PTGFRN: variants seen among roughly 807,000 people sequenced by gnomAD.
PTGFRN encodes the protein prostaglandin F2 receptor negative regulator.
PTGFRN carries 35 observed loss-of-function variants against 83.2 expected under a neutral mutation model. That is an observed-to-expected ratio of 0.42 (90% CI 0.32 to 0.56). The LOEUF (loss-of-function observed/expected upper bound fraction) is 0.56, where lower values mean the gene tolerates loss of function less well. PTGFRN is among the 20% of genes least tolerant of loss of function. The pLI, the probability that PTGFRN is intolerant of heterozygous loss-of-function variation, is 0.11. For missense variants in PTGFRN, 1,051 were observed against 1,179.5 expected, an observed-to-expected ratio of 0.89 and a Z score of 1.60; for synonymous variants, 519 against 498.6, an observed-to-expected ratio of 1.04 and a Z score of -0.55.
chr1:116,964,122 G>A lies in PTGFRN; in HGVS notation c.1639+2454G>A, dbSNP rs531259797. 3.9e-5 allele frequency among the ~76,000 whole-genome samples: 6 copies of A among 151,938 alleles called. 1 individual carries two copies. The South Asian group carries it at 1.2e-3, about 32-fold the overall frequency. The stretch of plus-strand genomic sequence containing the variant: ...TAGTCTTGATCTTCCTTCTTCATCC[G>A]TCTTTCTGTTTCCCACACCCATTTG... On this transcript the variant is annotated intron_variant, in intron 5 of 8. Transcript: ENST00000393203.
chr1:116,967,270 C>G lies in PTGFRN; in HGVS notation c.1999C>G (p.Leu667Val), dbSNP rs1434881562. ...AGCCTGGTCTCCTGTCAGGGGCAGC[C>G]TTTGGCGAGAAGCAGCAACCAGTCT... The part of the protein sequence containing the change: ...VTAWSPVRGS[L>V]WREAATSLSN... The change falls in exon 6 of 9, where the codon CTT becomes GTT. Residue 667 changes from leucine to valine, a missense_variant. Leu to Val is a conservative substitution (Grantham distance 32). Around this residue, in one of 3 missense-constraint regions of PTGFRN, gnomAD observed 719 missense variants for 836.6 expected, o/e 0.86. Transcript: ENST00000393203. The G allele has an allele frequency of 1.2e-6, 2 of 1,614,198 alleles. No individual in the cohort carries two copies. Among genetic ancestry groups the G allele is most frequent in the South Asian group, 2.2e-5 (2 of 91,086 alleles).
At chr1:116,973,837 T>A (rs1651069084) in intron 6 of PTGFRN, among the ~76,000 whole-genome samples, 1 of 152,126 alleles carries the variant, frequency 6.6e-6, no homozygotes, top group Admixed American at 6.6e-5. Flanking sequence ...CTTGCTTCAG[T>A]CCCTGTTCCT....
At chr1:116,971,684 C>T (rs1271194196) in intron 6 of PTGFRN, among the ~76,000 whole-genome samples, 5 of 152,216 alleles carry the variant, frequency 3.3e-5, no homozygotes, top group Non-Finnish European at 7.3e-5. Flanking sequence ...TTTCCCCAGT[C>T]CTTGTCTGCC....
intron 1 of PTGFRN, among the ~76,000 whole-genome samples, chr1:116,929,435 G>A (rs1355492387): frequency 2.4e-4 from 37 of 152,268 alleles, no homozygotes; most frequent in Admixed American, 6.5e-5. Flanking sequence ...TCGTTTTCTC[G>A]TTGATGTGCT....
chr1:116,926,250 G>C (rs1315725389), intron 1 of PTGFRN, among the ~76,000 whole-genome samples: 1 of 152,196 alleles, frequency 6.6e-6, no homozygotes, highest in African/African-American at 2.4e-5. Flanking sequence ...AACACAATAT[G>C]AATCTCCCAT....
At chr1:116,927,736 T>C (rs1649691711) in intron 1 of PTGFRN, among the ~76,000 whole-genome samples, 1 of 151,824 alleles carries the variant, frequency 6.6e-6, no homozygotes, top group African/African-American at 2.4e-5. Context: ...ACGAGATCTA[T>C]GTTGCCCAGG....
chr1:116,970,002 T>C (rs1044096569), intron 6 of PTGFRN, among the ~76,000 whole-genome samples: 4 of 152,184 alleles, frequency 2.6e-5, no homozygotes, highest in African/African-American at 9.6e-5. Context: ...TTTGGGGGAC[T>C]TGTTACAATT....
At chr1:116,949,967 A>G (rs1557740411) in intron 4 of PTGFRN, among the ~76,000 whole-genome samples, 1 of 152,222 alleles carries the variant, frequency 6.6e-6, no homozygotes, top group African/African-American at 2.4e-5. Flanking sequence ...CCAAAGCCCA[A>G]TGCAGAAAGA....
chr1:116,941,590 C>A lies in PTGFRN; in HGVS notation c.50-125C>A. On this transcript the variant is annotated intron_variant, in intron 1 of 8. Coordinates refer to ENST00000393203, the MANE Select transcript of PTGFRN (RefSeq NM_020440.4). This position sits in a 1 kb window ranked among gnomAD's most constrained non-coding sequence, Gnocchi z 5.0. ...TTAACCTTCTGCATAGATACATTTTCCCTAGTAGTTTGGCTGTCACGTTTC... is the reference window on the plus strand; with the variant it reads ...TTAACCTTCTGCATAGATACATTTTACCTAGTAGTTTGGCTGTCACGTTTC... 7.7e-7 allele frequency: 1 copy of A among 1,295,066 alleles called. No individual in the cohort carries two copies. The highest frequency in any genetic ancestry group is 1.1e-6 in the Non-Finnish European group (1 of 947,212). 80.2% of individuals were successfully genotyped at this position (1,295,066 alleles called of 1,614,324 possible). A position where few individuals can be genotyped will look rare whatever the true frequency, so the allele number is the denominator to read the frequency against.
chr1:116,965,811 T>TA (rs1250141644), intron 5 of PTGFRN, among the ~76,000 whole-genome samples: 1 of 152,252 alleles, frequency 6.6e-6, no homozygotes, highest in African/African-American at 2.4e-5. Flanking sequence ...TTTTTGTATT[T>TA]ATTTGTTCAC....
chr1:116,956,869 A>T (rs919527620), intron 4 of PTGFRN, among the ~76,000 whole-genome samples: 1 of 152,174 alleles, frequency 6.6e-6, no homozygotes, highest in African/African-American at 2.4e-5. Context: ...GCAAATATTC[A>T]TAAAGTGTCT....
intron 1 of PTGFRN, among the ~76,000 whole-genome samples, chr1:116,911,309 A>G (rs1649267471): frequency 1.3e-5 from 2 of 152,152 alleles, no homozygotes; most frequent in Admixed American, 6.5e-5. Context: ...AGAGCGCATG[A>G]TGTGCGGTGT....
At chr1:116,977,894 A>G (rs1378663478) in intron 7 of PTGFRN, among the ~76,000 whole-genome samples, 1 of 152,230 alleles carries the variant, frequency 6.6e-6, no homozygotes, top group African/African-American at 2.4e-5. Context: ...AAGGAGATAG[A>G]GACACAAAAA....
chr1:116,939,206 C>T (rs1386755505), intron 1 of PTGFRN, among the ~76,000 whole-genome samples: 4 of 152,268 alleles, frequency 2.6e-5, no homozygotes, highest in Non-Finnish European at 4.4e-5. Flanking sequence ...GGCCATGCCC[C>T]AGTAGGGGCT....
At chr1:116,953,584 C>T (rs1401882329) in intron 4 of PTGFRN, among the ~76,000 whole-genome samples, 1 of 151,406 alleles carries the variant, frequency 6.6e-6, no homozygotes, top group Non-Finnish European at 1.5e-5. Flanking sequence ...TTGGTGGTGG[C>T]GATGATGATT....
intron 3 of PTGFRN, among the ~76,000 whole-genome samples, chr1:116,947,864 TAGG>T (rs1216398286): frequency 6.6e-6 from 1 of 152,180 alleles, no homozygotes; most frequent in Non-Finnish European, 1.5e-5. Context: ...GAGAAAGAAT[TAGG>T]AGACTAGGTG....
chr1:116,947,001 T>A (rs2101066823), intron 3 of PTGFRN, among the ~76,000 whole-genome samples: 1 of 152,332 alleles, frequency 6.6e-6, no homozygotes, highest in African/African-American at 2.4e-5. Flanking sequence ...GGTTTGTTGC[T>A]TACTTTCACA....
At chr1:116,915,216 T>G (rs1159760896) in intron 1 of PTGFRN, among the ~76,000 whole-genome samples, 2 of 152,332 alleles carry the variant, frequency 1.3e-5, no homozygotes, top group East Asian at 3.9e-4. Flanking sequence ...AAAGTGAAAG[T>G]GCATTTAAAA....
At chr1:116,917,309 AAC>A (rs10554397) in intron 1 of PTGFRN, among the ~76,000 whole-genome samples, 21,433 of 152,016 alleles carry the variant, frequency 0.14, 2,989 homozygotes, top group African/African-American at 0.36. Context: ...GATCAACTTA[AAC>A]AGGATCCAGG....
Sources: allele counts gnomAD v4.1 joint callset (sites outside exome capture counted in the v4.1 genomes callset), GRCh38; gene constraint gnomAD v4.1.1; regional missense constraint gnomAD v4.1.1; non-coding constraint Gnocchi (gnomAD v3.1); transcripts MANE v1.5; gene names NCBI Gene and HGNC (gene_info 2026-07-23, HGNC 2026-07-21).